Variants in CENPK observed in about 807,000 individuals in gnomAD.
CENPK encodes the protein SoxLZ/Sox6-binding protein Solt.
CENPK carries 46 observed loss-of-function variants against 40.9 expected under a neutral mutation model. The ratio of observed to expected loss-of-function variants is 1.13; its 90% CI spans 0.89 to 1.44. The LOEUF is 1.44. Among genes scored for constraint, CENPK ranks in the 40% most tolerant of loss-of-function variants. The probability of loss-of-function intolerance (pLI) is 0.00; values close to 1 mark genes in which losing one functional copy is unlikely to be tolerated. For missense variants in CENPK, 288 were observed against 303.5 expected, an observed-to-expected ratio of 0.95 and a Z score of 0.38; for synonymous variants, 107 against 104.4, an observed-to-expected ratio of 1.02 and a Z score of -0.15.
downstream of CENPK, among the ~76,000 whole-genome samples, chr5:65,513,899 T>C (rs747151747): frequency 6.6e-6 from 1 of 152,206 alleles, no homozygotes; most frequent in Non-Finnish European, 1.5e-5. Flanking sequence ...CCTAGCTGGC[T>C]GAGAGGTTTG....
chr5:65,507,564 ACT>A, the CENPK span, among the ~76,000 whole-genome samples: 11 of 151,672 alleles, frequency 7.3e-5, no homozygotes, highest in African/African-American at 2.7e-4. Flanking sequence ...TCTTACTCCC[ACT>A]CTGTTTTCAC....
At chr5:65,503,092 C>A in the CENPK span, among the ~76,000 whole-genome samples, 6 of 150,864 alleles carry the variant, frequency 4.0e-5, no homozygotes, top group Non-Finnish European at 8.8e-5. Context: ...AGCCACCGTG[C>A]CTGCCCACCA....
chr5:65,524,221 CAAA>C (rs35248965), intron 9 of CENPK, among the ~76,000 whole-genome samples: 2 of 140,912 alleles, frequency 1.4e-5, no homozygotes, highest in Admixed American at 7.0e-5. Context: ...TAAAAGCATA[CAAA>C]AAAAAAAAAA....
chr5:65,545,473 T>C (rs893596717), intron 5 of CENPK, among the ~76,000 whole-genome samples: 3 of 151,812 alleles, frequency 2.0e-5, no homozygotes, highest in Admixed American at 2.0e-4. Context: ...TTTTAAGTGC[T>C]AAAAGAAAAC....
intron 5 of CENPK, chr5:65,550,583 C>T (rs1749791710): frequency 6.6e-6 from 1 of 152,134 alleles, no homozygotes; most frequent in South Asian, 2.1e-4. Flanking sequence ...GATCCCCCAA[C>T]CAGATGTAAT....
At chr5:65,505,070 G>A in the CENPK span, among the ~76,000 whole-genome samples, 1 of 151,986 alleles carries the variant, frequency 6.6e-6, no homozygotes, top group Non-Finnish European at 1.5e-5. Flanking sequence ...TGGGACTACA[G>A]GTATGTCCCA....
chr5:65,531,064 A>G lies in CENPK; in HGVS notation c.289-1865T>C, dbSNP rs73094913. Among the ~76,000 whole-genome samples the G allele has an allele frequency of 7.0e-3, 1,063 of 152,072 alleles. 10 individuals carry two copies. The highest frequency in any genetic ancestry group is 0.024 in the African/African-American group (992 of 41,472). ...TCTACCACTTTAGGAGGCTAAGGTG[A>G]AAGGGTTGTTTGAGGCCAGGAGTTC... On this transcript the variant is annotated intron_variant, in intron 6 of 10. Transcript: ENST00000396679.
intron 9 of CENPK, among the ~76,000 whole-genome samples, chr5:65,523,233 C>A (rs565353065): frequency 3.3e-5 from 5 of 152,172 alleles, no homozygotes; most frequent in African/African-American, 1.2e-4. Context: ...ACTTTGATAG[C>A]CACATATTCT....
chr5:65,512,251 G>T, the CENPK span, among the ~76,000 whole-genome samples: 1 of 152,348 alleles, frequency 6.6e-6, no homozygotes, highest in East Asian at 1.9e-4. Flanking sequence ...GACAAGAAAA[G>T]ATTTAGAATA....
At chr5:65,548,942 AC>A (rs1749490447) in intron 5 of CENPK, among the ~76,000 whole-genome samples, 1 of 152,110 alleles carries the variant, frequency 6.6e-6, no homozygotes, top group African/African-American at 2.4e-5. Context: ...CATAAATCAC[AC>A]ATGTTCTTAA....
chr5:65,515,351 T>C (rs1179939227), downstream of CENPK, among the ~76,000 whole-genome samples: 2 of 151,876 alleles, frequency 1.3e-5, no homozygotes, highest in Non-Finnish European at 2.9e-5. Context: ...TACAGGTGCC[T>C]GCCATCACGC....
intron 9 of CENPK, among the ~76,000 whole-genome samples, chr5:65,527,577 A>T (rs1744955414): frequency 7.1e-6 from 1 of 140,404 alleles, no homozygotes; most frequent in Non-Finnish European, 1.5e-5. Context: ...ATCTTCTGCC[A>T]CTCAATAAAA....
At chr5:65,550,541 T>C (rs989470835) in intron 5 of CENPK, 4 of 152,102 alleles carry the variant, frequency 2.6e-5, no homozygotes, top group Non-Finnish European at 5.9e-5. Flanking sequence ...TCAAAACAAT[T>C]AAAATAGTAA....
At chr5:65,518,689 A>G (rs562255875) in intron 10 of CENPK, 56 bp from the exon 11 acceptor site, 8 of 1,170,682 alleles carry the variant, frequency 6.8e-6, no homozygotes, top group East Asian at 2.5e-5. Context: ...CAATATAGCT[A>G]TAAGAAAGTT....
the CENPK span, among the ~76,000 whole-genome samples, chr5:65,497,139 G>A: frequency 5.9e-5 from 9 of 151,836 alleles, no homozygotes; most frequent in Non-Finnish European, 1.3e-4. Context: ...AGGCTGAGGC[G>A]GGCGGACTAC....
At chr5:65,514,985 T>C (rs1053373925), downstream of CENPK, among the ~76,000 whole-genome samples, 2 of 152,190 alleles carry the variant, frequency 1.3e-5, no homozygotes, top group African/African-American at 4.8e-5. Flanking sequence ...AATTTTAACT[T>C]TTCATTGAAT....
chr5:65,514,088 T>A (rs1742682141), downstream of CENPK, among the ~76,000 whole-genome samples: 1 of 152,112 alleles, frequency 6.6e-6, no homozygotes, highest in African/African-American at 2.4e-5. Flanking sequence ...AGTTTTTTGT[T>A]ATATATTGTT....
chr5:65,556,242 G>A (rs573870429), intron 2 of CENPK, among the ~76,000 whole-genome samples: 1 of 152,346 alleles, frequency 6.6e-6, no homozygotes, highest in East Asian at 1.9e-4. Context: ...GGAGGCCAAG[G>A]TCGTAGGATC....
downstream of CENPK, among the ~76,000 whole-genome samples, chr5:65,513,122 A>AT (rs1323108350): frequency 2.0e-5 from 3 of 152,102 alleles, no homozygotes; most frequent in Non-Finnish European, 4.4e-5. Flanking sequence ...ATTGTGGCAT[A>AT]TTTTTTCATT....
Sources: allele counts gnomAD v4.1 joint callset (sites outside exome capture counted in the v4.1 genomes callset), GRCh38; gene constraint gnomAD v4.1.1; transcripts MANE v1.5; gene names NCBI Gene and HGNC (gene_info 2026-07-23, HGNC 2026-07-21).